RXYLT1: variants seen among roughly 807,000 people sequenced by gnomAD.
RXYLT1 encodes ribitol xylosyltransferase 1, also known as ribitol-5-phosphate xylosyltransferase 1.
A neutral mutation model predicts 43.5 loss-of-function variants in RXYLT1; 41 were observed. The ratio of observed to expected loss-of-function variants is 0.94; its 90% CI spans 0.73 to 1.22. The LOEUF (loss-of-function observed/expected upper bound fraction) is 1.22. RXYLT1 is among the 50% of genes most tolerant of loss of function. The pLI, the probability that RXYLT1 is intolerant of heterozygous loss-of-function variation, is 0.00. For synonymous variants in RXYLT1, 166 were observed against 194.4 expected (o/e 0.85, Z 1.21); for missense variants, 514 against 532.0 (o/e 0.97, Z 0.33).
chr12:63,805,783 AT>A (rs1325504615), intron 5 of RXYLT1: 2 of 156,496 alleles, frequency 1.3e-5, no homozygotes, highest in Non-Finnish European at 2.8e-5. Context: ...GGTCTCACAA[AT>A]TCAGGAATTC....
At position 63,785,060 on chromosome 12, in the gene RXYLT1, G is replaced by T. The variant is rs1346222297; in HGVS notation, c.416G>T (p.Arg139Ile). The change falls in exon 3 of 6, where the codon AGA becomes ATA. Residue 139 changes from arginine to isoleucine, a missense_variant. Physicochemically the swap from Arg to Ile is moderately conservative, Grantham distance 97. Transcript: ENST00000261234. ...QWREGKSIVG[R>I]TQYSFITGPA... ...AGAGAAGGAAAGTCAATCGTAGGAA[G>T]AACACAGTACAGGTATTGGTTGTAT... 6.2e-7 allele frequency: 1 copy of T among 1,613,424 alleles called. No homozygotes were observed. Among genetic ancestry groups the T allele is most frequent in the East Asian group, 2.2e-5 (1 of 44,850 alleles).
chr12:63,792,782 T>C (rs1897946775), intron 3 of RXYLT1, among the ~76,000 whole-genome samples: 1 of 152,242 alleles, frequency 6.6e-6, no homozygotes, highest in Non-Finnish European at 1.5e-5. Context: ...TCTGAGAGAT[T>C]AAATGACTAG....
At chr12:63,796,141 TC>T (rs1898026694) in intron 3 of RXYLT1, among the ~76,000 whole-genome samples, 1 of 152,360 alleles carries the variant, frequency 6.6e-6, no homozygotes. Context: ...TGTGACAGTT[TC>T]TCAGTCTTTG....
rs756109059 is a variant in RXYLT1, at chr12:63,785,005, C to G, written c.361C>G (p.Leu121Val). The G allele has an allele frequency of 6.2e-7, 1 of 1,613,872 alleles. No homozygotes were observed. Among genetic ancestry groups the G allele is most frequent in the Non-Finnish European group, 8.5e-7 (1 of 1,179,814 alleles). Residue 121 changes from leucine to valine, a missense_variant, in exon 3 of 6, where the codon CTT becomes GTT. Leu to Val is a conservative substitution (Grantham distance 32). Coordinates refer to ENST00000261234, the MANE Select transcript of RXYLT1 (RefSeq NM_014254.3). ...CTGGGAGCATATTTTTGAAGGCTTACTTGATCCCAGCGATGTGACTGCTCA... is the reference window on the plus strand; with the variant it reads ...CTGGGAGCATATTTTTGAAGGCTTAGTTGATCCCAGCGATGTGACTGCTCA... ...YLWEHIFEGL[L>V]DPSDVTAQWR...
chr12:63,783,898 T>G (rs1433279972), intron 2 of RXYLT1, among the ~76,000 whole-genome samples: 36 of 152,256 alleles, frequency 2.4e-4, no homozygotes, highest in Non-Finnish European at 2.9e-5. Flanking sequence ...CCTTACCGTT[T>G]AGAGTTTCTA....
At chr12:63,805,444 C>T in intron 5 of RXYLT1, 40 bp downstream of exon 5, 1 of 1,521,028 alleles carries the variant, frequency 6.6e-7, no homozygotes, top group South Asian at 1.3e-5. Context: ...TTTTGTTCTC[C>T]AGTCTGAGAG....
chr12:63,795,453 C>T (rs79957974), intron 3 of RXYLT1: 4,992 of 151,182 alleles, frequency 0.033, 170 homozygotes, highest in African/African-American at 0.081. Context: ...AAACTTTGTG[C>T]GTGGCAGCAC....
At position 63,809,051 on chromosome 12, in the gene RXYLT1, A is replaced by G; in HGVS notation, c.1291A>G (p.Asn431Asp). 5 of 1,567,252 alleles carry G rather than the reference A, an allele frequency of 3.2e-6. No individual in the cohort carries two copies. The highest frequency in any genetic ancestry group is 3.5e-6 in the Non-Finnish European group (4 of 1,158,258). ...GACAGAGCTTAAAATGAAATTTACT[A>G]ATATTTTAGAAAGCTCATTTTTAAT... Reference protein sequence around the residue: ...FKTELKMKFTNILESSFLMNN... With the variant: ...FKTELKMKFTDILESSFLMNN... Residue 431 changes from asparagine (N) to aspartate (D), a missense_variant, in exon 6 of 6, where the codon AAT (asparagine) becomes GAT (aspartate). By Grantham distance (23) the Asn-to-Asp change is conservative. Coordinates refer to ENST00000261234, the MANE Select transcript of RXYLT1 (RefSeq NM_014254.3).
intron 3 of RXYLT1, among the ~76,000 whole-genome samples, chr12:63,789,322 T>C (rs1232855246): frequency 6.6e-6 from 1 of 152,166 alleles, no homozygotes; most frequent in Admixed American, 6.5e-5. Flanking sequence ...ACATAGCATT[T>C]ATCTATTAAG....
intron 3 of RXYLT1, among the ~76,000 whole-genome samples, chr12:63,787,737 G>A (rs1376393054): frequency 1.3e-5 from 2 of 151,874 alleles, no homozygotes; most frequent in Admixed American, 6.6e-5. Context: ...AGTGATTCTC[G>A]TGCTTCAACA....
intron 3 of RXYLT1, among the ~76,000 whole-genome samples, chr12:63,793,976 C>T (rs935743695): frequency 6.6e-6 from 1 of 152,180 alleles, no homozygotes; most frequent in Non-Finnish European, 1.5e-5. Flanking sequence ...AATCAGCCAT[C>T]GGCTGATGAC....
chr12:63,799,302 C>CTTTTTT (rs11312130), intron 3 of RXYLT1, among the ~76,000 whole-genome samples: 63 of 71,602 alleles, frequency 8.8e-4, no homozygotes, highest in Non-Finnish European at 1.2e-3. Flanking sequence ...CTTTTCTTTT[C>CTTTTTT]TTTTTTTTTT....
intron 2 of RXYLT1, among the ~76,000 whole-genome samples, chr12:63,783,007 C>G (rs568491852): frequency 6.6e-6 from 1 of 152,228 alleles, no homozygotes; most frequent in Non-Finnish European, 1.5e-5. Context: ...GCTTGGAACC[C>G]TCCAGCTAAT....
rs59554455 is a variant in RXYLT1 at position 63,780,493 on chromosome 12, A to G, written c.169+364A>G. 22,068 of 1,094,024 alleles carry G rather than the reference A, an allele frequency of 0.02. 1,080 individuals carry two copies. The East Asian group carries it at 0.27, about 14-fold the overall frequency. The allele number at this position is 1,094,024 out of a possible 1,614,324, so 67.8% of individuals were successfully genotyped here. A position where few individuals can be genotyped will look rare whatever the true frequency, so the allele number is the denominator to read the frequency against. On this transcript the variant is annotated intron_variant, in intron 1 of 5. Transcript: ENST00000261234. Reference sequence around the variant, plus strand: ...AGACATCCGTTTCCATGTTGAAACAAAGCCCTCTCTAATCCTGCAGTGACC... The same window carrying G: ...AGACATCCGTTTCCATGTTGAAACAGAGCCCTCTCTAATCCTGCAGTGACC...
chr12:63,785,170 A>G, intron 3 of RXYLT1, 98 bp downstream of exon 3: 1 of 698,770 alleles, frequency 1.4e-6, no homozygotes, highest in Non-Finnish European at 2.2e-6. Context: ...AAATATATTT[A>G]TAAAAATACT....
At position 63,802,367 on chromosome 12, in the gene RXYLT1, T is replaced by C; in HGVS notation, c.705T>C (p.Asn235=). 1.3e-6 allele frequency: 2 copies of C among 1,593,950 alleles called. No individual in the cohort carries two copies. The highest frequency in any genetic ancestry group is 1.1e-5 in the South Asian group (1 of 88,724). The change falls in exon 4 of 6, where the codon AAT becomes AAC. Residue 235 remains asparagine, a synonymous_variant. Transcript: ENST00000261234. ...TAATATATGACAGCCCCTGGATTAA[T>C]GACGTGGATGTTTTTCAGTGGCCTT... ...LFIIYDSPWI[N]DVDVFQWPLG...
At chr12:63,808,606 A>G in intron 5 of RXYLT1, 69 bp from the exon 6 acceptor site, 2 of 1,499,262 alleles carry the variant, frequency 1.3e-6, no homozygotes, top group Non-Finnish European at 1.8e-6. Context: ...ATTAAAAGAT[A>G]AGGTATTTTT....
At chr12:63,793,109 C>G (rs147513147) in intron 3 of RXYLT1, among the ~76,000 whole-genome samples, 219 of 152,270 alleles carry the variant, frequency 1.4e-3, no homozygotes, top group Non-Finnish European at 2.4e-3. Flanking sequence ...TTTAGAAATT[C>G]TTATCTATGC....
intron 3 of RXYLT1, among the ~76,000 whole-genome samples, chr12:63,798,711 C>T (rs1592851249): frequency 6.6e-6 from 1 of 152,164 alleles, no homozygotes; most frequent in Admixed American, 6.5e-5. Context: ...CTGGGTTTTC[C>T]ATGGTTGCCG....
Sources: allele counts gnomAD v4.1 joint callset (sites outside exome capture counted in the v4.1 genomes callset), GRCh38; gene constraint gnomAD v4.1.1; transcripts MANE v1.5; gene names NCBI Gene and HGNC (gene_info 2026-07-23, HGNC 2026-07-21).